NEIL2: variants seen among roughly 807,000 people sequenced by gnomAD.
NEIL2 encodes nei like DNA glycosylase 2.
NEIL2 carries 23 observed loss-of-function variants against 22.2 expected under a neutral mutation model. The ratio of observed to expected loss-of-function variants is 1.04; its 90% CI spans 0.75 to 1.47. The LOEUF is 1.47. Among genes scored for constraint, NEIL2 ranks in the 40% most tolerant of loss-of-function variants. NEIL2 has a pLI of 0.00. For synonymous variants in NEIL2, 229 were observed against 164.8 expected (o/e 1.39, Z -2.99); for missense variants, 583 against 404.7 (o/e 1.44, Z -3.78).
At chr8:11,774,557 T>C (rs1803748493) in intron 2 of NEIL2, among the ~76,000 whole-genome samples, 1 of 152,146 alleles carries the variant, frequency 6.6e-6, no homozygotes, top group South Asian at 2.1e-4. Flanking sequence ...GTCCTCACAT[T>C]TCAAAACCAA....
rs370597257 is a variant in NEIL2, at chr8:11,783,199, C to A, written c.492-4C>A. 3 of 1,613,646 alleles carry A rather than the reference C, an allele frequency of 1.9e-6. No individual in the cohort carries two copies. The highest frequency in any genetic ancestry group is 2.7e-5 in the African/African-American group (2 of 74,924). ...TGTACATATGACCTGTTCTTTCTTC[C>A]CAGGTTGGTCCTGCACTTTGGTGGT... On this transcript the variant is annotated splice_region_variant and splice_polypyrimidine_tract_variant and intron_variant, in intron 3 of 4. Coordinates refer to ENST00000284503, the MANE Select transcript of NEIL2 (RefSeq NM_145043.4).
Position 11,779,924 on chromosome 8 carries a change from G to A in NEIL2, c.465G>A (p.Arg155=), listed in dbSNP as rs140177918. Reference sequence around the variant, plus strand: ...CCAGAGCCAAGAAAGCCAACAAGAGGGGGGACTGGAGGGACCCTTCCCCGA... The same window carrying A: ...CCAGAGCCAAGAAAGCCAACAAGAGAGGGGACTGGAGGGACCCTTCCCCGA... The part of the protein sequence containing the change: ...DFSRAKKANK[R]GDWRDPSPRL... Residue 155 remains arginine, a synonymous_variant, in exon 3 of 5, where the codon AGG becomes AGA. Transcript: ENST00000284503. 6 of 1,614,006 alleles carry A rather than the reference G, an allele frequency of 3.7e-6. No individual in the cohort carries two copies. The Admixed American group carries it at 5.0e-5, about 13-fold the overall frequency.
At chr8:11,780,661 C>T (rs753560558) in intron 3 of NEIL2, among the ~76,000 whole-genome samples, 4 of 152,184 alleles carry the variant, frequency 2.6e-5, no homozygotes, top group Non-Finnish European at 4.4e-5. Context: ...GGATTACAGG[C>T]GTGAGCCACC....
At chr8:11,779,981 C>T (rs1379067802) in intron 3 of NEIL2, 31 bp downstream of exon 3, 1 of 1,579,350 alleles carries the variant, frequency 6.3e-7, no homozygotes, top group African/African-American at 1.3e-5. Context: ...TTTTCGTGGG[C>T]TCTGATAGTC....
intron 2 of NEIL2, among the ~76,000 whole-genome samples, chr8:11,776,130 A>C (rs1043197524): frequency 6.6e-5 from 10 of 152,256 alleles, no homozygotes; most frequent in Non-Finnish European, 5.9e-5. Flanking sequence ...TAGTGGACTC[A>C]CAATTCCACA....
intron 3 of NEIL2, among the ~76,000 whole-genome samples, chr8:11,781,705 C>A (rs1260303983): frequency 6.6e-6 from 1 of 152,158 alleles, no homozygotes; most frequent in African/African-American, 2.4e-5. Context: ...TTTGCTTTGT[C>A]TCTTTTTTCT....
intron 1 of NEIL2, among the ~76,000 whole-genome samples, chr8:11,770,738 A>C (rs190074261): frequency 1.3e-5 from 2 of 152,038 alleles, no homozygotes; most frequent in Admixed American, 6.5e-5. Flanking sequence ...TGCCTCATGT[A>C]GGCGGCTGTC....
In NEIL2 at chr8:11,779,925, G is replaced by T; in HGVS notation, c.466G>T (p.Gly156Trp). 6.2e-7 allele frequency: 1 copy of T among 1,614,092 alleles called. No homozygotes were observed. The highest frequency in any genetic ancestry group is 8.5e-7 in the Non-Finnish European group (1 of 1,179,962). The change falls in exon 3 of 5, where the codon GGG (glycine) becomes TGG (tryptophan). Residue 156 changes from glycine to tryptophan, a missense_variant. By Grantham distance (184) the Gly-to-Trp change is radical. Coordinates refer to ENST00000284503, the MANE Select transcript of NEIL2 (RefSeq NM_145043.4). ...FSRAKKANKR[G>W]DWRDPSPRLV... ...CAGAGCCAAGAAAGCCAACAAGAGG[G>T]GGGACTGGAGGGACCCTTCCCCGAG...
Position 11,786,334 on chromosome 8 carries a change from A to G in NEIL2, c.*61A>G. ...TGGGGAACCTGACGTCTAAGTGTCC[A>G]GAAAGGAGGATGTGGGCAGGGACGG... On this transcript the variant is annotated 3_prime_UTR_variant, in exon 5 of 5. Transcript: ENST00000284503. The G allele has an allele frequency of 6.5e-7, 1 of 1,527,760 alleles. No homozygotes were observed. Among genetic ancestry groups the G allele is most frequent in the East Asian group, 2.4e-5 (1 of 42,222 alleles). The allele number at this position is 1,527,760 out of a possible 1,614,324, so 94.6% of individuals were successfully genotyped here. A position where few individuals can be genotyped will look rare whatever the true frequency, so the allele number is the denominator to read the frequency against.
intron 2 of NEIL2, among the ~76,000 whole-genome samples, chr8:11,772,996 C>T (rs992668455): frequency 2.0e-5 from 3 of 152,200 alleles, no homozygotes; most frequent in African/African-American, 4.8e-5. Flanking sequence ...TAGCCCTGTA[C>T]CCATAGTTGA....
At chr8:11,783,519 C>T in intron 4 of NEIL2, 120 bp downstream of exon 4, 1 of 800,390 alleles carries the variant, frequency 1.2e-6, no homozygotes, top group East Asian at 2.5e-5. Context: ...TTTGAGGTGC[C>T]ACTTGCTCAA....
chr8:11,781,679 C>A (rs8191620), intron 3 of NEIL2, among the ~76,000 whole-genome samples: 2,132 of 152,264 alleles, frequency 0.014, 17 homozygotes, highest in Non-Finnish European at 0.025. Context: ...TTCTCATGTA[C>A]CTGTTTTATG....
intron 2 of NEIL2, among the ~76,000 whole-genome samples, chr8:11,774,584 G>C (rs1803751185): frequency 6.6e-6 from 1 of 152,066 alleles, no homozygotes; most frequent in Non-Finnish European, 1.5e-5. Flanking sequence ...CTTCCCAACA[G>C]TCCCCAAAAG....
chr8:11,784,484 G>T (rs958671348), intron 4 of NEIL2, among the ~76,000 whole-genome samples: 1 of 152,212 alleles, frequency 6.6e-6, no homozygotes, highest in Non-Finnish European at 1.5e-5. Flanking sequence ...GAATCCAGGT[G>T]TTTTGTCAAT....
At chr8:11,771,891 A>C (rs770886713) in intron 2 of NEIL2, among the ~76,000 whole-genome samples, 11 of 152,098 alleles carry the variant, frequency 7.2e-5, no homozygotes, top group Non-Finnish European at 1.5e-4. Context: ...TATTCCCCTG[A>C]GCCAGTGGAG....
At chr8:11,782,986 G>A in intron 3 of NEIL2, 3 of 630,512 alleles carry the variant, frequency 4.8e-6, no homozygotes, top group Admixed American at 2.2e-5. Context: ...GTGGGGATGT[G>A]TGTATGTGTG....
chr8:11,771,729 C>A, intron 2 of NEIL2, 144 bp downstream of exon 2: 1 of 792,786 alleles, frequency 1.3e-6, no homozygotes, highest in Non-Finnish European at 2.0e-6. Context: ...CTTTCAGTCT[C>A]ACGTGTCTCA....
chr8:11,779,177 A>C (rs1804170727), intron 2 of NEIL2, among the ~76,000 whole-genome samples: 1 of 152,156 alleles, frequency 6.6e-6, no homozygotes, highest in South Asian at 2.1e-4. Flanking sequence ...AGGGGTACCC[A>C]GTTTCACAGG....
intron 2 of NEIL2, among the ~76,000 whole-genome samples, chr8:11,778,342 G>T (rs1804088251): frequency 6.9e-6 from 1 of 144,458 alleles, no homozygotes; most frequent in African/African-American, 2.6e-5. Flanking sequence ...TCTAATATGT[G>T]GCAGATAACA....
Sources: allele counts gnomAD v4.1 joint callset (sites outside exome capture counted in the v4.1 genomes callset), GRCh38; gene constraint gnomAD v4.1.1; transcripts MANE v1.5; gene names NCBI Gene and HGNC (gene_info 2026-07-23, HGNC 2026-07-21).